LHFPL2: variants seen among roughly 807,000 people sequenced by gnomAD.
The protein encoded by LHFPL2 is LHFPL tetraspan subfamily member 2 protein.
In LHFPL2, 7 loss-of-function variants were observed where a neutral mutation model predicts 17.5. The ratio of observed to expected loss-of-function variants is 0.40; its 90% CI spans 0.23 to 0.75. The LOEUF (loss-of-function observed/expected upper bound fraction) is 0.75. LHFPL2 is among the 30% of genes least tolerant of loss of function. LHFPL2 has a pLI of 0.37. For missense variants in LHFPL2, 241 were observed against 294.8 expected, an observed-to-expected ratio of 0.82 and a Z score of 1.34; for synonymous variants, 134 against 116.2, an observed-to-expected ratio of 1.15 and a Z score of -0.99.
intron 1 of LHFPL2, among the ~76,000 whole-genome samples, chr5:78,635,309 C>T (rs760374142): frequency 1.3e-5 from 2 of 152,246 alleles, no homozygotes; most frequent in African/African-American, 2.4e-5. Flanking sequence ...ACCTAGGTGG[C>T]ATGCAATCTC....
chr5:78,610,962 A>G (rs570324188), intron 2 of LHFPL2, among the ~76,000 whole-genome samples: 1 of 152,258 alleles, frequency 6.6e-6, no homozygotes, highest in African/African-American at 2.4e-5. Flanking sequence ...TGTCCTCCTC[A>G]AGGAGCCACA....
intron 3 of LHFPL2, among the ~76,000 whole-genome samples, chr5:78,542,008 G>GAAT (rs1756128490): frequency 6.6e-6 from 1 of 152,054 alleles, no homozygotes. Context: ...TATGACAAGG[G>GAAT]TCCATTTCAA....
chr5:78,489,189 C>T lies in LHFPL2; in HGVS notation c.431-36G>A, dbSNP rs1223342762. ...AAAGAGAAAACAGATTAGAAAATCC[C>T]CATGGTGCTACAACTGTCCAGATCT... is the stretch of plus-strand genomic sequence containing the variant. On this transcript the variant is annotated intron_variant, in intron 4 of 4. Transcript: ENST00000380345. 4 of 1,611,220 alleles carry T rather than the reference C, an allele frequency of 2.5e-6. No homozygotes were observed. The African/African-American group carries it at 5.3e-5, about 22-fold the overall frequency.
At chr5:78,586,663 C>G (rs1291849114) in intron 2 of LHFPL2, among the ~76,000 whole-genome samples, 1 of 152,168 alleles carries the variant, frequency 6.6e-6, no homozygotes. Context: ...GCTCCACCCA[C>G]TCAGGTAGGA....
rs936430174 is a variant in LHFPL2, at chr5:78,558,288, C to T, written c.-186+6525G>A. 1.7e-4 allele frequency among the ~76,000 whole-genome samples: 26 copies of T among 152,242 alleles called. 1 individual carries two copies. The highest frequency in any genetic ancestry group is 1.6e-3 in the Admixed American group (24 of 15,290). On this transcript the variant is annotated intron_variant, in intron 3 of 4. Coordinates refer to ENST00000380345, the MANE Select transcript of LHFPL2 (RefSeq NM_005779.3). The stretch of plus-strand genomic sequence containing the variant: ...TGATAAGGGGACACCCCTACACGAT[C>T]CCAGTGTACGCTCATTCATCTGAGT...
At chr5:78,560,100 T>C (rs917994341) in intron 3 of LHFPL2, among the ~76,000 whole-genome samples, 20 of 152,164 alleles carry the variant, frequency 1.3e-4, no homozygotes, top group African/African-American at 4.8e-4. Flanking sequence ...TGGCACCAAC[T>C]ACAGAGGAAC....
At chr5:78,515,196 C>CA (rs1440328591) in intron 3 of LHFPL2, among the ~76,000 whole-genome samples, 1 of 152,208 alleles carries the variant, frequency 6.6e-6, no homozygotes, top group African/African-American at 2.4e-5. Context: ...AACCATGACT[C>CA]AATCACAGCT....
chr5:78,543,289 C>T (rs771232122), intron 3 of LHFPL2, among the ~76,000 whole-genome samples: 1 of 152,168 alleles, frequency 6.6e-6, no homozygotes, highest in Non-Finnish European at 1.5e-5. Flanking sequence ...CAGAGACAGC[C>T]ATTCTCTTTC....
At chr5:78,542,946 C>T (rs1225006287) in intron 3 of LHFPL2, among the ~76,000 whole-genome samples, 2 of 152,140 alleles carry the variant, frequency 1.3e-5, no homozygotes, top group Non-Finnish European at 2.9e-5. Context: ...TTTAACAAAA[C>T]GCAGCCCAAG....
chr5:78,628,492 C>T (rs1745136337), intron 2 of LHFPL2, among the ~76,000 whole-genome samples: 1 of 152,208 alleles, frequency 6.6e-6, no homozygotes, highest in Middle Eastern at 3.2e-3. Context: ...TGAACAAGAT[C>T]AGATGTTTCC....
chr5:78,523,399 T>A (rs1211224577), intron 3 of LHFPL2, among the ~76,000 whole-genome samples: 5 of 152,064 alleles, frequency 3.3e-5, no homozygotes, highest in Non-Finnish European at 5.9e-5. Context: ...GCTCTCAGTG[T>A]ACAGAAAGCC....
chr5:78,562,585 A>G (rs1756757128), intron 3 of LHFPL2, among the ~76,000 whole-genome samples: 2 of 151,624 alleles, frequency 1.3e-5, no homozygotes, highest in South Asian at 4.2e-4. Flanking sequence ...CAGTGAGCCA[A>G]GATCATGTCA....
rs372333846 is a variant in LHFPL2, at chr5:78,557,347, G to A, written c.-186+7466C>T. ...AATATACCTGATGTGGGACATAATG[G>A]CCCAAAACTGGTGACCCTGACCTTG... On this transcript the variant is annotated intron_variant, in intron 3 of 4. Transcript: ENST00000380345. Among the ~76,000 whole-genome samples the A allele has an allele frequency of 3.3e-5, 5 of 152,234 alleles. 1 individual carries two copies. Among genetic ancestry groups the A allele is most frequent in the East Asian group, 3.9e-4 (2 of 5,188 alleles).
At chr5:78,552,808 T>C (rs1191878608) in intron 3 of LHFPL2, among the ~76,000 whole-genome samples, 2 of 152,218 alleles carry the variant, frequency 1.3e-5, no homozygotes, top group Non-Finnish European at 2.9e-5. Flanking sequence ...AGGTATAATA[T>C]TGTCCAAGTG....
intron 3 of LHFPL2, among the ~76,000 whole-genome samples, chr5:78,536,136 T>C (rs1755944845): frequency 1.3e-5 from 2 of 152,158 alleles, no homozygotes; most frequent in Non-Finnish European, 2.9e-5. Flanking sequence ...CCCCAGTGGC[T>C]GAACGTGATC....
chr5:78,602,219 GA>G (rs986327485), intron 2 of LHFPL2, among the ~76,000 whole-genome samples: 1 of 149,510 alleles, frequency 6.7e-6, no homozygotes. Context: ...AAGGAAAAAA[GA>G]AAAAAAAATA....
intron 3 of LHFPL2, among the ~76,000 whole-genome samples, chr5:78,558,282 C>T (rs1267745329): frequency 6.6e-6 from 1 of 152,248 alleles, no homozygotes; most frequent in Non-Finnish European, 1.5e-5. Flanking sequence ...GACACCCCTA[C>T]ACGATCCCAG....
chr5:78,486,040 CTT>C lies in LHFPL2; in HGVS notation c.*2855_*2856del, dbSNP rs1439252298. The C allele has an allele frequency of 6.6e-6, 1 of 152,566 alleles. No homozygotes were observed. Among genetic ancestry groups the C allele is most frequent in the East Asian group, 1.9e-4 (1 of 5,198 alleles). The allele number at this position is 152,566 out of a possible 1,614,324, so 9.5% of individuals were successfully genotyped here. On this transcript the variant is annotated 3_prime_UTR_variant, in exon 5 of 5. Transcript: ENST00000380345. ...ACAAAACAACAAAACATACATACAC[CTT>C]TGTTATTGCACATCTTTCACACAAA... is the stretch of plus-strand genomic sequence containing the variant.
At chr5:78,537,095 TCACAGG>T (rs1337463394) in intron 3 of LHFPL2, among the ~76,000 whole-genome samples, 3 of 152,302 alleles carry the variant, frequency 2.0e-5, no homozygotes, top group East Asian at 3.9e-4. Context: ...CATTTCACAT[TCACAGG>T]CACATTAAAG....
Sources: gnomAD v4.1 joint callset for allele counts (sites outside exome capture counted in the v4.1 genomes callset) on GRCh38, gnomAD v4.1.1 for gene constraint, MANE v1.5 for transcripts, NCBI Gene and HGNC (gene_info 2026-07-23, HGNC 2026-07-21) for gene names.